Variants in AGBL1 observed in about 807,000 individuals in gnomAD.
The protein encoded by AGBL1 is cytosolic carboxypeptidase 4.
In AGBL1, 130 loss-of-function variants were observed where a neutral mutation model predicts 118.9. That is an observed-to-expected ratio of 1.09 (90% CI 0.95 to 1.26). The LOEUF (loss-of-function observed/expected upper bound fraction) is 1.26. Ranked by LOEUF, AGBL1 falls within the 50% of genes most tolerant of loss-of-function variation. AGBL1 has a pLI of 0.00. For synonymous variants in AGBL1, 555 were observed against 478.9 expected (o/e 1.16, Z -2.08); for missense variants, 1,584 against 1,298.1 (o/e 1.22, Z -3.38).
chr15:86,193,075 C>T (rs2077748375), intron 5 of AGBL1, among the ~76,000 whole-genome samples: 1 of 151,898 alleles, frequency 6.6e-6, no homozygotes, highest in Non-Finnish European at 1.5e-5. Flanking sequence ...GAAATGATAG[C>T]ACCTTAATTT....
rs139215544 is a variant in AGBL1, at chr15:86,155,462, A to G, written c.394+901A>G. Among the ~76,000 whole-genome samples the G allele has an allele frequency of 3.9e-5, 6 of 152,288 alleles. No homozygotes were observed. The East Asian group carries it at 1.2e-3, about 29-fold the overall frequency. On this transcript the variant is annotated intron_variant, in intron 4 of 22. Coordinates refer to ENST00000614907, the MANE Select transcript of AGBL1 (RefSeq NM_001386094.1). ...GAGACCTTGTCTTAAAAAAATAAAA[A>G]AAGTGAAGCGATTGCTTGAATTCAT... is the stretch of plus-strand genomic sequence containing the variant.
intron 24 of AGBL1, among the ~76,000 whole-genome samples, chr15:86,989,984 G>C (rs2081322573): frequency 6.6e-6 from 1 of 152,222 alleles, no homozygotes; most frequent in Non-Finnish European, 1.5e-5. Context: ...TATCTGACCT[G>C]ACAGGTTCTA....
chr15:86,521,688 A>G (rs1239351010), intron 18 of AGBL1, among the ~76,000 whole-genome samples: 3 of 152,182 alleles, frequency 2.0e-5, no homozygotes, highest in African/African-American at 7.2e-5. Context: ...AGAATGGGTG[A>G]TGTATTGTGT....
In AGBL1 at chr15:86,620,861, C is replaced by G. The variant is rs540796857; in HGVS notation, c.2995-53412C>G. On this transcript the variant is annotated intron_variant, in intron 21 of 22. Coordinates refer to ENST00000614907, the MANE Select transcript of AGBL1 (RefSeq NM_001386094.1). ...GACTGGTCTAAATCCGACTTGCCGCCTGCATGTCTCTCTTCACGGCTCTTT... is the reference window on the plus strand; with the variant it reads ...GACTGGTCTAAATCCGACTTGCCGCGTGCATGTCTCTCTTCACGGCTCTTT... Among the ~76,000 whole-genome samples, 227 of 152,098 alleles carry G rather than the reference C, an allele frequency of 1.5e-3. 1 individual carries two copies. The highest frequency in any genetic ancestry group is 2.4e-3 in the Non-Finnish European group (165 of 68,000).
At chr15:86,743,634 T>C (rs1474344568) in intron 22 of AGBL1, among the ~76,000 whole-genome samples, 1 of 152,138 alleles carries the variant, frequency 6.6e-6, no homozygotes, top group Non-Finnish European at 1.5e-5. Flanking sequence ...GGTTTCACTT[T>C]CCAAATGGCT....
intron 1 of AGBL1, among the ~76,000 whole-genome samples, chr15:86,098,555 T>C (rs1373374684): frequency 2.6e-5 from 4 of 152,180 alleles, no homozygotes; most frequent in Non-Finnish European, 5.9e-5. Context: ...CCCACCACCA[T>C]TTGTTGAAAA....
chr15:86,334,340 T>C (rs536507544), intron 17 of AGBL1, among the ~76,000 whole-genome samples: 10 of 152,184 alleles, frequency 6.6e-5, no homozygotes, highest in Non-Finnish European at 1.5e-4. Context: ...ACAAAATCAA[T>C]GTACAAAAAT....
chr15:86,783,906 C>G (rs1028632774), intron 22 of AGBL1, among the ~76,000 whole-genome samples: 1 of 152,214 alleles, frequency 6.6e-6, no homozygotes, highest in Non-Finnish European at 1.5e-5. Context: ...GCTGGGATTA[C>G]AGGCGTGAGC....
chr15:86,949,775 G>A (rs923638275), intron 23 of AGBL1, among the ~76,000 whole-genome samples: 9 of 151,934 alleles, frequency 5.9e-5, no homozygotes, highest in Non-Finnish European at 8.8e-5. Flanking sequence ...AGACAAACTC[G>A]CAATTACAGT....
intron 22 of AGBL1, among the ~76,000 whole-genome samples, chr15:86,742,792 C>T (rs534575861): frequency 1.2e-4 from 19 of 152,228 alleles, no homozygotes; most frequent in South Asian, 4.1e-4. Flanking sequence ...GCAGAATAAA[C>T]AGTCCCTGCT....
chr15:86,237,737 C>G (rs917023435), intron 6 of AGBL1, among the ~76,000 whole-genome samples: 1 of 152,144 alleles, frequency 6.6e-6, no homozygotes, highest in Non-Finnish European at 1.5e-5. Context: ...TCTGAAGGGT[C>G]TTCTTGCAGA....
intron 13 of AGBL1, 58 bp from the exon 14 acceptor site, chr15:86,269,861 C>T (rs570449624): frequency 3.8e-6 from 6 of 1,582,454 alleles, no homozygotes; most frequent in South Asian, 1.2e-5. Flanking sequence ...TTCTTAGTGT[C>T]TGAAGTTTAC....
chr15:86,397,977 AG>A (rs1487065705), intron 18 of AGBL1, among the ~76,000 whole-genome samples: 1 of 152,212 alleles, frequency 6.6e-6, no homozygotes, highest in Non-Finnish European at 1.5e-5. Flanking sequence ...TTAATGATAA[AG>A]TCAGGGCCCA....
At chr15:87,004,915 T>C (rs1237970760) in intron 24 of AGBL1, among the ~76,000 whole-genome samples, 1 of 152,188 alleles carries the variant, frequency 6.6e-6, no homozygotes, top group Non-Finnish European at 1.5e-5. Context: ...CATTTGCTTG[T>C]CTGTACAGTA....
intron 18 of AGBL1, among the ~76,000 whole-genome samples, chr15:86,485,568 CTG>C: frequency 6.6e-6 from 1 of 152,204 alleles, no homozygotes; most frequent in African/African-American, 2.4e-5. Context: ...TACAATAAAA[CTG>C]TATTTATGTA....
chr15:86,648,678 G>C (rs2085324311), intron 21 of AGBL1, among the ~76,000 whole-genome samples: 1 of 152,176 alleles, frequency 6.6e-6, no homozygotes, highest in Non-Finnish European at 1.5e-5. Flanking sequence ...TTGTTACTAA[G>C]AATTGAAGTG....
In AGBL1 at chr15:86,424,990, CA is replaced by C. The variant is rs577175685; in HGVS notation, c.2555+27446del. ...TGTGGAAGACAGTGTGGTGATTCCT[CA>C]AGAATCTAGAACCAGAAATACCACT... On this transcript the variant is annotated intron_variant, in intron 18 of 22. Transcript: ENST00000614907. Among the ~76,000 whole-genome samples, 276 of 152,220 alleles carry C rather than the reference CA, an allele frequency of 1.8e-3. 1 individual carries two copies. The highest frequency in any genetic ancestry group is 6.4e-3 in the African/African-American group (266 of 41,536).
intron 1 of AGBL1, among the ~76,000 whole-genome samples, chr15:86,091,204 T>C (rs557230870): frequency 6.6e-6 from 1 of 152,206 alleles, no homozygotes; most frequent in Non-Finnish European, 1.5e-5. Flanking sequence ...ATTGTTCATA[T>C]GTCTATTAAA....
intron 22 of AGBL1, among the ~76,000 whole-genome samples, chr15:86,776,981 G>GT (rs909143942): frequency 9.9e-5 from 15 of 151,532 alleles, no homozygotes; most frequent in African/African-American, 3.1e-4. Context: ...ACACAATAAG[G>GT]TTTTTTTTCT....
Sources: allele counts gnomAD v4.1 joint callset (sites outside exome capture counted in the v4.1 genomes callset), GRCh38; gene constraint gnomAD v4.1.1; transcripts MANE v1.5; gene names NCBI Gene and HGNC (gene_info 2026-07-23, HGNC 2026-07-21).